The following PLCB4 variants were observed in gnomAD, a reference collection of about 807,000 sequenced individuals.
The protein encoded by PLCB4 is phospholipase C beta 4.
A neutral mutation model predicts 178.8 loss-of-function variants in PLCB4; 77 were observed. That is an observed-to-expected ratio of 0.43 (90% CI 0.36 to 0.52). The LOEUF (loss-of-function observed/expected upper bound fraction) is 0.52, where lower values mean the gene tolerates loss of function less well. Ranked by LOEUF, PLCB4 falls within the 20% of genes least tolerant of loss-of-function variation. PLCB4 has a pLI of 0.00. For missense variants in PLCB4, 1,024 were observed against 1,453.4 expected, an observed-to-expected ratio of 0.70 and a Z score of 4.80; for synonymous variants, 496 against 490.8, an observed-to-expected ratio of 1.01 and a Z score of -0.14.
chr20:9,188,467 C>A (rs2093357169), intron 2 of PLCB4, among the ~76,000 whole-genome samples: 1 of 151,944 alleles, frequency 6.6e-6, no homozygotes, highest in Admixed American at 6.6e-5. Flanking sequence ...TTCTTTTCAG[C>A]CTCGACACTA....
chr20:9,100,910 C>T (rs1299573048), intron 2 of PLCB4, among the ~76,000 whole-genome samples: 4 of 152,252 alleles, frequency 2.6e-5, no homozygotes, highest in Non-Finnish European at 4.4e-5. Context: ...CAGCTTCCTC[C>T]GTAGAATGCT....
At chr20:9,418,582 A>C (rs75297116) in intron 25 of PLCB4, among the ~76,000 whole-genome samples, 5,765 of 152,210 alleles carry the variant, frequency 0.038, 361 homozygotes, top group African/African-American at 0.13. Context: ...CTTAGTAATA[A>C]GTTTTGAAAT....
chr20:9,208,167 G>A (rs1437910570), intron 2 of PLCB4, among the ~76,000 whole-genome samples: 2 of 152,170 alleles, frequency 1.3e-5, no homozygotes, highest in Non-Finnish European at 2.9e-5. Flanking sequence ...GTTGCCTTAA[G>A]AGGAAGGGTC....
intron 3 of PLCB4, among the ~76,000 whole-genome samples, chr20:9,247,655 T>G (rs2094138964): frequency 6.6e-6 from 1 of 152,204 alleles, no homozygotes; most frequent in Non-Finnish European, 1.5e-5. Flanking sequence ...TTGATTTTTA[T>G]TTGTTGAGTT....
intron 7 of PLCB4, among the ~76,000 whole-genome samples, chr20:9,360,179 A>C (rs531106832): frequency 6.6e-6 from 1 of 152,316 alleles, no homozygotes; most frequent in South Asian, 2.1e-4. Context: ...CATCATTGCA[A>C]GAAGAAAGAG....
chr20:9,232,292 C>T (rs2147356662), intron 3 of PLCB4, among the ~76,000 whole-genome samples: 1 of 152,122 alleles, frequency 6.6e-6, no homozygotes, highest in African/African-American at 2.4e-5. Context: ...ATAAGTTTGG[C>T]AATTTGGGAG....
intron 1 of PLCB4, among the ~76,000 whole-genome samples, chr20:9,081,951 G>A (rs6056392): frequency 2.0e-5 from 3 of 151,058 alleles, no homozygotes; most frequent in African/African-American, 7.3e-5. Context: ...TCCTGATATT[G>A]TAATCAGTAT....
At chr20:9,424,582 A>G (rs1338000676) in intron 28 of PLCB4, among the ~76,000 whole-genome samples, 1 of 152,248 alleles carries the variant, frequency 6.6e-6, no homozygotes, top group Non-Finnish European at 1.5e-5. Context: ...ATAGTACAGC[A>G]GGATGATGGC....
At chr20:9,386,892 C>CTT (rs780599842) in intron 14 of PLCB4, among the ~76,000 whole-genome samples, 1 of 129,524 alleles carries the variant, frequency 7.7e-6, no homozygotes, top group African/African-American at 2.9e-5. Flanking sequence ...CCAAATTGTC[C>CTT]TTTTTTTTTT....
At chr20:9,164,025 T>A (rs1367330109) in intron 2 of PLCB4, among the ~76,000 whole-genome samples, 2 of 152,222 alleles carry the variant, frequency 1.3e-5, no homozygotes, top group African/African-American at 2.4e-5. Flanking sequence ...AAGCAGTGGT[T>A]ATAATTAATA....
chr20:9,409,972 A>G (rs58253845), intron 24 of PLCB4, among the ~76,000 whole-genome samples: 2,052 of 152,270 alleles, frequency 0.013, 48 homozygotes, highest in African/African-American at 0.047. Context: ...ATAAAACAAA[A>G]CCAGAAAGCT....
intron 3 of PLCB4, among the ~76,000 whole-genome samples, chr20:9,223,699 A>T (rs749613270): frequency 1.3e-5 from 2 of 152,196 alleles, no homozygotes; most frequent in African/African-American, 2.4e-5. Context: ...TGGAAGCAGC[A>T]TTGCTTTATG....
intron 3 of PLCB4, among the ~76,000 whole-genome samples, chr20:9,277,595 T>G (rs1430330621): frequency 6.6e-6 from 1 of 152,024 alleles, no homozygotes; most frequent in African/African-American, 2.4e-5. Context: ...AAACGGTAAC[T>G]GCTGGTTAGA....
At chr20:9,246,106 A>G (rs528358724) in intron 3 of PLCB4, among the ~76,000 whole-genome samples, 3 of 152,300 alleles carry the variant, frequency 2.0e-5, no homozygotes, top group African/African-American at 7.2e-5. Flanking sequence ...TAATATGACA[A>G]AACATTTATT....
At chr20:9,373,729 TAAC>T (rs2036441885) in intron 12 of PLCB4, among the ~76,000 whole-genome samples, 1 of 151,976 alleles carries the variant, frequency 6.6e-6, no homozygotes, top group South Asian at 2.1e-4. Context: ...GTGATTAACT[TAAC>T]AACCAAAACT....
intron 3 of PLCB4, among the ~76,000 whole-genome samples, chr20:9,252,390 TG>T (rs2094190772): frequency 6.6e-6 from 1 of 152,348 alleles, no homozygotes; most frequent in Admixed American, 6.5e-5. Flanking sequence ...TTTATTTTAA[TG>T]CATATTAAAG....
Position 9,310,651 on chromosome 20 carries a change from G to A in PLCB4, c.84+2753G>A, listed in dbSNP as rs573802184. On this transcript the variant is annotated intron_variant, in intron 4 of 39. Transcript: ENST00000378473. ...CGCTTGAACCCAAGAGGCAGAGGGTGCAGTGAGCCAAGATCACGCCCCCAC... is the reference window on the plus strand; with the variant it reads ...CGCTTGAACCCAAGAGGCAGAGGGTACAGTGAGCCAAGATCACGCCCCCAC... Among the ~76,000 whole-genome samples the A allele has an allele frequency of 4.6e-5, 7 of 152,194 alleles. No individual in the cohort carries two copies. The East Asian group carries it at 7.7e-4, about 17-fold the overall frequency.
At chr20:9,203,658 G>C (rs913323852) in intron 2 of PLCB4, among the ~76,000 whole-genome samples, 35 of 151,832 alleles carry the variant, frequency 2.3e-4, no homozygotes, top group African/African-American at 8.5e-4. Flanking sequence ...AGATAATTTT[G>C]CTGCTTTACA....
intron 2 of PLCB4, among the ~76,000 whole-genome samples, chr20:9,104,998 T>C (rs1479356337): frequency 6.6e-6 from 1 of 152,108 alleles, no homozygotes; most frequent in Non-Finnish European, 1.5e-5. Context: ...TATTAATCTT[T>C]AGTTGCTCTG....
Sources: gnomAD v4.1 joint callset for allele counts (sites outside exome capture counted in the v4.1 genomes callset) on GRCh38, gnomAD v4.1.1 for gene constraint, MANE v1.5 for transcripts, NCBI Gene and HGNC (gene_info 2026-07-23, HGNC 2026-07-21) for gene names.